Variants in RTTN observed in about 807,000 individuals in gnomAD.
The protein encoded by RTTN is rotatin.
Under a neutral mutation model 269.2 loss-of-function variants are expected in RTTN, and 182 were observed. The observed-to-expected ratio is 0.68, with a 90% CI of 0.60 to 0.76. RTTN has a LOEUF of 0.76. Among genes scored for constraint, RTTN ranks in the 30% least tolerant of loss-of-function variants. The pLI, the probability that RTTN is intolerant of heterozygous loss-of-function variation, is 0.00. For missense variants in RTTN, 2,545 were observed against 2,608.6 expected (o/e 0.98, Z 0.53); for synonymous variants, 1,006 against 963.5 (o/e 1.04, Z -0.82).
intron 46 of RTTN, among the ~76,000 whole-genome samples, chr18:70,014,417 TTAC>T (rs1371213476): frequency 6.6e-6 from 1 of 152,268 alleles, no homozygotes; most frequent in Non-Finnish European, 1.5e-5. Context: ...CTGCTGTTTC[TTAC>T]TACATGTTGC....
At chr18:70,061,816 A>G (rs540481782) in intron 35 of RTTN, among the ~76,000 whole-genome samples, 2 of 152,330 alleles carry the variant, frequency 1.3e-5, no homozygotes, top group East Asian at 3.9e-4. Flanking sequence ...CCTGGATGAC[A>G]GAATGAGACC....
chr18:70,188,442 A>G (rs999737710), intron 9 of RTTN, among the ~76,000 whole-genome samples: 8 of 152,210 alleles, frequency 5.3e-5, no homozygotes, highest in Non-Finnish European at 8.8e-5. Flanking sequence ...AATCAAATAC[A>G]TTTATAATTG....
At chr18:70,146,250 C>T (rs1418043857) in intron 17 of RTTN, among the ~76,000 whole-genome samples, 1 of 152,086 alleles carries the variant, frequency 6.6e-6, no homozygotes, top group African/African-American at 2.4e-5. Context: ...TATTAGGGGC[C>T]AAACAGATTC....
At chr18:70,075,662 C>A in intron 32 of RTTN, 121 bp from the exon 33 acceptor site, 1 of 706,002 alleles carries the variant, frequency 1.4e-6, no homozygotes, top group East Asian at 3.1e-5. Flanking sequence ...TCCTTCCACT[C>A]TGCTTTTGTC....
At chr18:70,045,732 C>A (rs1010712485) in intron 40 of RTTN, among the ~76,000 whole-genome samples, 4 of 152,172 alleles carry the variant, frequency 2.6e-5, no homozygotes, top group African/African-American at 9.7e-5. Context: ...CTTGCCTGTG[C>A]CTTTCTAACA....
At chr18:70,190,959 G>A (rs573923212) in intron 8 of RTTN, among the ~76,000 whole-genome samples, 7 of 152,214 alleles carry the variant, frequency 4.6e-5, no homozygotes, top group African/African-American at 1.4e-4. Context: ...AGGCCAAGGC[G>A]GGCAGATCAC....
chr18:70,101,100 T>G (rs2059151974), intron 28 of RTTN, among the ~76,000 whole-genome samples: 1 of 152,234 alleles, frequency 6.6e-6, no homozygotes, highest in East Asian at 1.9e-4. Context: ...TAAAATGAGT[T>G]AGGGAGGATT....
At chr18:70,098,725 T>C (rs1349430650) in intron 28 of RTTN, among the ~76,000 whole-genome samples, 2 of 152,172 alleles carry the variant, frequency 1.3e-5, no homozygotes, top group Admixed American at 6.5e-5. Context: ...ACATGTGCCA[T>C]GTTGGTGTGC....
At position 70,004,099 on chromosome 18, in the gene RTTN, T is replaced by G. The variant is rs2056105643; in HGVS notation, c.*52A>C. On this transcript the variant is annotated 3_prime_UTR_variant, in exon 49 of 49. Transcript: ENST00000640769. ...CTGCTACACACAGCTGGCTTCAACT[T>G]TAGCTCCCCTGTTGATGACTGTCAG... 3 of 1,421,814 alleles carry G rather than the reference T, an allele frequency of 2.1e-6. No individual in the cohort carries two copies. The African/African-American group carries it at 4.2e-5, about 20-fold the overall frequency. The allele number at this position is 1,421,814 out of a possible 1,614,324, so 88.1% of individuals were successfully genotyped here.
intron 21 of RTTN, 101 bp downstream of exon 21, chr18:70,139,498 G>T: frequency 1.4e-6 from 1 of 723,644 alleles, no homozygotes; most frequent in Non-Finnish European, 2.4e-6. Flanking sequence ...AAATGCTGTT[G>T]TTCTAATAGT....
intron 46 of RTTN, among the ~76,000 whole-genome samples, chr18:70,013,516 T>C (rs1348096082): frequency 6.7e-6 from 1 of 149,616 alleles, no homozygotes; most frequent in Non-Finnish European, 1.5e-5. Flanking sequence ...AACATGCATA[T>C]AACAAAGCAA....
At chr18:70,131,904 T>C (rs1240044493) in intron 23 of RTTN, 1 of 151,068 alleles carries the variant, frequency 6.6e-6, no homozygotes, top group Non-Finnish European at 1.5e-5. Flanking sequence ...AAACTGTAAA[T>C]AATGTCAGAT....
At chr18:70,038,717 C>T (rs1476254133) in intron 40 of RTTN, among the ~76,000 whole-genome samples, 1 of 152,082 alleles carries the variant, frequency 6.6e-6, no homozygotes, top group East Asian at 1.9e-4. Context: ...AATGACCCCA[C>T]CAAATGAACT....
At chr18:70,198,571 G>A (rs1186421523) in intron 5 of RTTN, among the ~76,000 whole-genome samples, 1 of 152,080 alleles carries the variant, frequency 6.6e-6, no homozygotes, top group Non-Finnish European at 1.5e-5. Flanking sequence ...CTCGTGTATT[G>A]TGGCATTTAT....
intron 40 of RTTN, among the ~76,000 whole-genome samples, chr18:70,032,441 T>C (rs2057044190): frequency 6.6e-6 from 1 of 151,846 alleles, no homozygotes; most frequent in South Asian, 2.1e-4. Flanking sequence ...CACTCACCCA[T>C]CTCATGCAAT....
At chr18:70,110,553 G>A (rs535733319) in intron 27 of RTTN, among the ~76,000 whole-genome samples, 10 of 152,260 alleles carry the variant, frequency 6.6e-5, no homozygotes, top group Admixed American at 2.0e-4. Flanking sequence ...CACGGTTTTC[G>A]CAACCTACAA....
At chr18:70,154,545 A>C (rs1165110723) in intron 14 of RTTN, among the ~76,000 whole-genome samples, 1 of 152,022 alleles carries the variant, frequency 6.6e-6, no homozygotes, top group Admixed American at 6.6e-5. Flanking sequence ...ATAACTGAGG[A>C]CCCCTTCTCT....
intron 44 of RTTN, among the ~76,000 whole-genome samples, chr18:70,024,346 G>C (rs565600679): frequency 1.3e-5 from 2 of 152,298 alleles, no homozygotes; most frequent in African/African-American, 4.8e-5. Flanking sequence ...CAACTGTTAT[G>C]AGAACTTTCA....
intron 23 of RTTN, among the ~76,000 whole-genome samples, chr18:70,132,924 T>C (rs1431682886): frequency 6.6e-6 from 1 of 152,116 alleles, no homozygotes; most frequent in Non-Finnish European, 1.5e-5. Context: ...TAACTCTCTG[T>C]CCCTTTACCC....
Sources: allele counts gnomAD v4.1 joint callset (sites outside exome capture counted in the v4.1 genomes callset), GRCh38; gene constraint gnomAD v4.1.1; transcripts MANE v1.5; gene names NCBI Gene and HGNC (gene_info 2026-07-23, HGNC 2026-07-21).